Variants in EML4 observed in about 807,000 individuals in gnomAD.
The protein encoded by EML4 is EMAP like 4.
EML4 carries 72 observed loss-of-function variants against 129.0 expected under a neutral mutation model. The observed-to-expected ratio is 0.56, with a 90% CI of 0.46 to 0.68. EML4 has a LOEUF of 0.68. EML4 is among the 30% of genes least tolerant of loss of function. EML4 has a pLI of 0.00. For synonymous variants in EML4, 532 were observed against 405.0 expected, an observed-to-expected ratio of 1.31 and a Z score of -3.77; for missense variants, 1,363 against 1,190.6, an observed-to-expected ratio of 1.14 and a Z score of -2.13.
chr2:42,171,815 C>T (rs923560737), intron 1 of EML4, among the ~76,000 whole-genome samples: 3 of 152,076 alleles, frequency 2.0e-5, no homozygotes, highest in African/African-American at 4.8e-5. Flanking sequence ...CTTTCTGTCC[C>T]CCTTGCAAGA....
At position 42,169,548 on chromosome 2, in the gene EML4, C is replaced by CTGG; in HGVS notation, c.-62_-61insGTG. On this transcript the variant is annotated 5_prime_UTR_variant, in exon 1 of 23. Coordinates refer to ENST00000318522, the MANE Select transcript of EML4 (RefSeq NM_019063.5). Reference sequence around the variant, plus strand: ...CGGGTCAGGCTCAGCGTCGGCCACTCTGTCGGTCCGCTGAATGAAGTGCCC... The same window carrying CTGG: ...CGGGTCAGGCTCAGCGTCGGCCACTCTGGTGTCGGTCCGCTGAATGAAGTGCCC... 1.3e-6 allele frequency: 2 copies of CTGG among 1,568,388 alleles called. No homozygotes were observed. Among genetic ancestry groups the CTGG allele is most frequent in the Non-Finnish European group, 1.7e-6 (2 of 1,160,978 alleles).
chr2:42,300,569 G>A (rs1256694230), intron 13 of EML4, among the ~76,000 whole-genome samples: 1 of 152,148 alleles, frequency 6.6e-6, no homozygotes, highest in East Asian at 1.9e-4. Context: ...TTCTCTGCTA[G>A]TAGGTCAAAA....
rs779360021 is a variant in EML4 at position 42,329,902 on chromosome 2, C to G, written c.2641C>G (p.Leu881Val). 2.5e-6 allele frequency: 4 copies of G among 1,614,080 alleles called. No individual in the cohort carries two copies. The highest frequency in any genetic ancestry group is 2.5e-6 in the Non-Finnish European group (3 of 1,180,034). The stretch of plus-strand genomic sequence containing the variant: ...GAATGAGACTGTAGCGGATACTACT[C>G]TAACCAAAGCCCCCGTCTCTTCCAC... ...PQNETVADTT[L>V]TKAPVSSTES... is the part of the protein sequence containing the mutation. The change falls in exon 23 of 23, where the codon CTA becomes GTA. Residue 881 changes from leucine to valine, a missense_variant. Physicochemically the swap from Leu to Val is conservative, Grantham distance 32. Transcript: ENST00000318522.
chr2:42,199,682 G>C (rs1161498086), intron 1 of EML4, among the ~76,000 whole-genome samples: 1 of 152,184 alleles, frequency 6.6e-6, no homozygotes, highest in Non-Finnish European at 1.5e-5. Flanking sequence ...AAAGGATCTA[G>C]AGAAGTTTAT....
intron 1 of EML4, among the ~76,000 whole-genome samples, chr2:42,184,669 A>G (rs751666702): frequency 4.6e-5 from 7 of 152,086 alleles, no homozygotes; most frequent in Non-Finnish European, 7.3e-5. Flanking sequence ...CTGTTTATCC[A>G]AAGTAGTTTA....
intron 1 of EML4, among the ~76,000 whole-genome samples, chr2:42,236,731 G>GT (rs1674700377): frequency 6.6e-6 from 1 of 151,904 alleles, no homozygotes; most frequent in Non-Finnish European, 1.5e-5. Flanking sequence ...TATTGCCAAG[G>GT]TTTTTTTTCC....
intron 1 of EML4, among the ~76,000 whole-genome samples, chr2:42,171,946 T>G (rs1230611388): frequency 9.2e-5 from 14 of 152,236 alleles, no homozygotes; most frequent in African/African-American, 3.1e-4. Context: ...TGCTTGTTTC[T>G]GTTCTCTGCA....
chr2:42,252,228 T>G (rs1282455356), intron 2 of EML4, among the ~76,000 whole-genome samples: 2 of 152,224 alleles, frequency 1.3e-5, no homozygotes, highest in Non-Finnish European at 2.9e-5. Context: ...ACTGTCAGGC[T>G]AAGATGTCAG....
chr2:42,276,830 T>C (rs1323095429), intron 6 of EML4, among the ~76,000 whole-genome samples: 3 of 152,218 alleles, frequency 2.0e-5, no homozygotes, highest in East Asian at 3.8e-4. Context: ...TGCCAGAAAT[T>C]GTTTGAAGTG....
intron 1 of EML4, among the ~76,000 whole-genome samples, chr2:42,177,482 G>A (rs1353993570): frequency 1.3e-5 from 2 of 151,962 alleles, no homozygotes; most frequent in Admixed American, 6.6e-5. Context: ...AATTAGCCAG[G>A]CATGGTGGTG....
At chr2:42,189,566 C>T (rs954626310) in intron 1 of EML4, among the ~76,000 whole-genome samples, 2 of 152,130 alleles carry the variant, frequency 1.3e-5, no homozygotes, top group Non-Finnish European at 2.9e-5. Context: ...TGTGACAGGG[C>T]GAGAACCTGT....
chr2:42,183,382 A>C (rs78986205), intron 1 of EML4, among the ~76,000 whole-genome samples: 3,565 of 152,250 alleles, frequency 0.023, 125 homozygotes, highest in African/African-American at 0.081. Context: ...TGATGTGTAC[A>C]TTGTCGGTTT....
intron 1 of EML4, among the ~76,000 whole-genome samples, chr2:42,242,143 C>G (rs933236426): frequency 3.9e-5 from 6 of 152,002 alleles, no homozygotes; most frequent in Non-Finnish European, 8.8e-5. Context: ...ACCTAGCACC[C>G]TAACCTTGGC....
chr2:42,304,681 G>A (rs759813949), intron 17 of EML4, 130 bp downstream of exon 17: 22 of 714,612 alleles, frequency 3.1e-5, no homozygotes, highest in East Asian at 1.3e-4. Context: ...GTTCTTATCC[G>A]TTTTGTATAT....
chr2:42,279,069 G>T (rs2104453235), intron 6 of EML4, among the ~76,000 whole-genome samples: 1 of 152,256 alleles, frequency 6.6e-6, no homozygotes, highest in Non-Finnish European at 1.5e-5. Flanking sequence ...TAAGGAAACT[G>T]TTTCTTAGCA....
At chr2:42,209,262 C>T (rs1158086702) in intron 1 of EML4, among the ~76,000 whole-genome samples, 6 of 152,100 alleles carry the variant, frequency 3.9e-5, no homozygotes, top group Non-Finnish European at 8.8e-5. Context: ...TCCTTTTATA[C>T]AAATACCACA....
chr2:42,328,833 C>T lies in EML4; in HGVS notation c.2342-53C>T, dbSNP rs1669944465. On this transcript the variant is annotated intron_variant, in intron 21 of 22. Coordinates refer to ENST00000318522, the MANE Select transcript of EML4 (RefSeq NM_019063.5). ...AATAAAATAAACATATATAGCATCA[C>T]AGTTATATTTCTTCAGCTAATTTTT... is the stretch of plus-strand genomic sequence containing the variant. 5.5e-6 allele frequency: 8 copies of T among 1,443,506 alleles called. No homozygotes were observed. The South Asian group carries it at 7.6e-5, about 14-fold the overall frequency. The allele number at this position is 1,443,506 out of a possible 1,614,324, so 89.4% of individuals were successfully genotyped here. A position where few individuals can be genotyped will look rare whatever the true frequency, so the allele number is the denominator to read the frequency against.
intron 17 of EML4, among the ~76,000 whole-genome samples, 163 bp from the exon 18 acceptor site, chr2:42,315,799 T>A (rs958494367): frequency 5.9e-5 from 9 of 152,026 alleles, no homozygotes; most frequent in African/African-American, 1.9e-4. Flanking sequence ...GGGAGGATAG[T>A]GTGAGCCCAG....
intron 19 of EML4, among the ~76,000 whole-genome samples, chr2:42,322,746 A>G (rs1286537210): frequency 6.6e-6 from 1 of 152,190 alleles, no homozygotes; most frequent in Non-Finnish European, 1.5e-5. Context: ...GCTTTTTTCT[A>G]AGCTGTGCAT....
Sources: gnomAD v4.1 joint callset for allele counts (sites outside exome capture counted in the v4.1 genomes callset) on GRCh38, gnomAD v4.1.1 for gene constraint, MANE v1.5 for transcripts, NCBI Gene and HGNC (gene_info 2026-07-23, HGNC 2026-07-21) for gene names.